UTP6: variants seen among roughly 807,000 people sequenced by gnomAD.
UTP6 encodes U3 small nucleolar RNA-associated protein 6 homolog.
Under a neutral mutation model 96.5 loss-of-function variants are expected in UTP6, and 60 were observed. The observed-to-expected ratio is 0.62, with a 90% CI of 0.51 to 0.77. The LOEUF is 0.77. Ranked by LOEUF, UTP6 falls within the 30% of genes least tolerant of loss-of-function variation. The pLI is 0.00. For missense variants in UTP6, 637 were observed against 706.5 expected (o/e 0.90, Z 1.12); for synonymous variants, 215 against 240.1 (o/e 0.90, Z 0.96).
chr17:31,891,783 A>T (rs575532727), intron 6 of UTP6, among the ~76,000 whole-genome samples: 53 of 152,244 alleles, frequency 3.5e-4, no homozygotes, highest in Admixed American at 6.5e-4. Context: ...AGCACTTTGG[A>T]AGGCCAAGGC....
At chr17:31,876,095 G>A (rs1257930025) in intron 13 of UTP6, among the ~76,000 whole-genome samples, 3 of 151,522 alleles carry the variant, frequency 2.0e-5, no homozygotes, top group Non-Finnish European at 2.9e-5. Flanking sequence ...GTACAGTGGC[G>A]CAATGATCTC....
rs766809890 is a variant in UTP6 at position 31,892,771 on chromosome 17, G to A, written c.336C>T (p.Ser112=). The change falls in exon 5 of 19, where the codon TCC becomes TCT. Residue 112 remains serine, a synonymous_variant. Coordinates refer to ENST00000261708, the MANE Select transcript of UTP6 (RefSeq NM_018428.3). Reference sequence around the variant, plus strand: ...CCCACTTCTTACAAAAAGCCACATAGGAGAGCCAAAGTTGAACATCGTCCT... The same window carrying A: ...CCCACTTCTTACAAAAAGCCACATAAGAGAGCCAAAGTTGAACATCGTCCT... The part of the protein sequence containing the change: ...KWKDDVQLWL[S]YVAFCKKWAT... 8.1e-6 allele frequency: 13 copies of A among 1,614,016 alleles called. No individual in the cohort carries two copies. In the East Asian group the frequency reaches 2.9e-4, roughly 36 times the overall value.
chr17:31,866,581 A>C (rs1244838984), intron 17 of UTP6: 1 of 151,672 alleles, frequency 6.6e-6, no homozygotes, highest in Non-Finnish European at 1.5e-5. Flanking sequence ...AAAATACAAA[A>C]ATTAGCCAGG....
At chr17:31,866,607 C>G (rs1386482769) in intron 17 of UTP6, 1 of 151,536 alleles carries the variant, frequency 6.6e-6, no homozygotes, top group African/African-American at 2.4e-5. Flanking sequence ...TGGTGCATGC[C>G]TGTAATCCTA....
In UTP6 at chr17:31,863,435, G is replaced by A. The variant is rs750165197; in HGVS notation, c.1718C>T (p.Ala573Val). ...PENCGQIYWR[A>V]MKMLQGESAE... is the part of the protein sequence containing the mutation. ...TGACTCTCCCTGCAACATTTTCATC[G>A]CTCGCCAGTAGATCTGTCCACAGTT... The change falls in exon 19 of 19, where the codon GCG becomes GTG. Residue 573 changes from alanine (A) to valine (V), a missense_variant. Ala to Val is a moderately conservative substitution (Grantham distance 64). Transcript: ENST00000261708. The A allele has an allele frequency of 8.0e-5, 129 of 1,613,684 alleles. No individual in the cohort carries two copies. The highest frequency in any genetic ancestry group is 8.3e-5 in the Admixed American group (5 of 59,960).
chr17:31,870,968 A>G (rs1311545950), intron 16 of UTP6, among the ~76,000 whole-genome samples: 2 of 148,858 alleles, frequency 1.3e-5, no homozygotes, highest in Non-Finnish European at 3.0e-5. Context: ...GGCACATGCC[A>G]TGACACCCAA....
intron 10 of UTP6, among the ~76,000 whole-genome samples, chr17:31,882,812 G>T (rs533269084): frequency 2.0e-5 from 3 of 151,806 alleles, no homozygotes; most frequent in Middle Eastern, 3.4e-3. Flanking sequence ...TTGAGACAGG[G>T]TCTCACTCTG....
rs746757727 is a variant in UTP6, at chr17:31,892,279, C to A, written c.405G>T (p.Ala135=). The A allele has an allele frequency of 6.2e-7, 1 of 1,614,074 alleles. No individual in the cohort carries two copies. The highest frequency in any genetic ancestry group is 1.3e-5 in the African/African-American group (1 of 75,048). ...CCATACCTGGTTTGTTGGAATGAAT[C>A]GCCAACATGGCAGAGAATACCTTGC... The part of the protein sequence containing the change: ...RLSKVFSAML[A]IHSNKPALWI... The change falls in exon 6 of 19, where the codon GCG becomes GCT. Residue 135 remains alanine, a synonymous_variant. Coordinates refer to ENST00000261708, the MANE Select transcript of UTP6 (RefSeq NM_018428.3).
At chr17:31,887,368 G>A (rs1002605736) in intron 7 of UTP6, 55 bp from the exon 8 acceptor site, 1 of 1,497,990 alleles carries the variant, frequency 6.7e-7, no homozygotes, top group Non-Finnish European at 9.2e-7. Context: ...AAATTTTTTT[G>A]AGACAGGGTC....
intron 16 of UTP6, among the ~76,000 whole-genome samples, chr17:31,870,884 C>T (rs935201294): frequency 3.9e-5 from 6 of 152,110 alleles, no homozygotes; most frequent in African/African-American, 9.6e-5. Context: ...AGCACAAACA[C>T]GGCTCACTAC....
intron 2 of UTP6, among the ~76,000 whole-genome samples, chr17:31,895,288 AGCTACACCAAACCTACATTGCACTAC>A: frequency 6.6e-6 from 1 of 152,228 alleles, no homozygotes; most frequent in Non-Finnish European, 1.5e-5. Context: ...GCTACAATGC[AGCTACACCAAACCTACATTGCACTAC>A]ATTTGCTTCA....
In UTP6 at chr17:31,863,000, G is replaced by A. The variant is rs1909609517; in HGVS notation, c.*359C>T. 1 of 184,994 alleles carries A rather than the reference G, an allele frequency of 5.4e-6. No homozygotes were observed. The highest frequency in any genetic ancestry group is 1.3e-4 in the South Asian group (1 of 7,696). The allele number at this position is 184,994 out of a possible 1,614,324, so 11.5% of individuals were successfully genotyped here. A position where few individuals can be genotyped will look rare whatever the true frequency, so the allele number is the denominator to read the frequency against. On this transcript the variant is annotated 3_prime_UTR_variant, in exon 19 of 19. Coordinates refer to ENST00000261708, the MANE Select transcript of UTP6 (RefSeq NM_018428.3). ...TTTTGGGAAACATTTAGGACCTGTG[G>A]AAGATCGGGCCTCAACATTAAATCA...
chr17:31,866,183 AG>A (rs1265207605), intron 17 of UTP6, among the ~76,000 whole-genome samples: 1 of 150,552 alleles, frequency 6.6e-6, no homozygotes, highest in Non-Finnish European at 1.5e-5. Flanking sequence ...GCTACTCAGG[AG>A]GCTGAGGCAG....
At chr17:31,899,241 G>A (rs999267559) in intron 2 of UTP6, among the ~76,000 whole-genome samples, 3 of 152,166 alleles carry the variant, frequency 2.0e-5, no homozygotes, top group African/African-American at 7.2e-5. Context: ...AAGCTACACT[G>A]AGCCATGATG....
intron 6 of UTP6, 106 bp downstream of exon 6, chr17:31,892,154 C>T (rs1904358919): frequency 1.5e-6 from 2 of 1,291,446 alleles, no homozygotes; most frequent in Non-Finnish European, 2.2e-6. Context: ...ACTGCCTAAG[C>T]TCAAGTCCTC....
intron 2 of UTP6, among the ~76,000 whole-genome samples, chr17:31,898,302 C>T (rs755699214): frequency 1.1e-4 from 17 of 151,834 alleles, no homozygotes; most frequent in African/African-American, 1.2e-4. Flanking sequence ...TTTGGGAGGC[C>T]GAGGCGGGTG....
chr17:31,887,884 C>T (rs1911241436), intron 7 of UTP6: 2 of 149,416 alleles, frequency 1.3e-5, no homozygotes, highest in African/African-American at 4.9e-5. Flanking sequence ...TCGTTTGAAC[C>T]CCGGGCGTGG....
intron 10 of UTP6, among the ~76,000 whole-genome samples, chr17:31,884,180 T>A (rs145301636): frequency 0.099 from 14,974 of 151,720 alleles, 1,376 homozygotes; most frequent in African/African-American, 0.25. Context: ...GTATTTTTAG[T>A]AGAGACGGGG....
chr17:31,864,976 G>C (rs1223147223), intron 18 of UTP6, among the ~76,000 whole-genome samples: 1 of 151,954 alleles, frequency 6.6e-6, no homozygotes, highest in Non-Finnish European at 1.5e-5. Context: ...TTTTAAAAGA[G>C]GGTTATGATG....
Sources: gnomAD v4.1 joint callset for allele counts (sites outside exome capture counted in the v4.1 genomes callset) on GRCh38, gnomAD v4.1.1 for gene constraint, MANE v1.5 for transcripts, NCBI Gene and HGNC (gene_info 2026-07-23, HGNC 2026-07-21) for gene names.